The following SPNS3 variants were observed in gnomAD, a reference collection of about 807,000 sequenced individuals.
The protein encoded by SPNS3 is protein spinster homolog 3.
A neutral mutation model predicts 54.4 loss-of-function variants in SPNS3; 51 were observed. That is an observed-to-expected ratio of 0.94 (90% confidence interval 0.75 to 1.18). The LOEUF is 1.18. Ranked by LOEUF, SPNS3 falls within the 50% of genes most tolerant of loss-of-function variation. The probability of loss-of-function intolerance (pLI) is 0.00; values close to 1 mark genes in which losing one functional copy is unlikely to be tolerated. For missense variants in SPNS3, 669 were observed against 677.4 expected, an observed-to-expected ratio of 0.99 and a Z score of 0.14; for synonymous variants, 309 against 294.7, an observed-to-expected ratio of 1.05 and a Z score of -0.50.
At chr17:4,473,752 G>T (rs552016109) in intron 8 of SPNS3, among the ~76,000 whole-genome samples, 2 of 152,256 alleles carry the variant, frequency 1.3e-5, no homozygotes, top group East Asian at 3.9e-4. Flanking sequence ...TGCCCATCTG[G>T]TGTCCACAGG....
At chr17:4,445,001 G>A (rs777996528) in intron 2 of SPNS3, 31 bp from the exon 3 acceptor site, 2 of 1,603,862 alleles carry the variant, frequency 1.2e-6, no homozygotes, top group African/African-American at 1.3e-5. Flanking sequence ...GTCGTGGGGG[G>A]ATCCAGGCTG....
chr17:4,452,980 C>T (rs1302809843), intron 7 of SPNS3, 36 bp from the exon 8 acceptor site: 2 of 1,593,446 alleles, frequency 1.3e-6, no homozygotes, highest in East Asian at 2.2e-5. Context: ...CTAAGCTCAC[C>T]CAGCTGACCA....
intron 7 of SPNS3, among the ~76,000 whole-genome samples, chr17:4,452,200 G>A (rs180744568): frequency 5.2e-4 from 79 of 152,130 alleles, no homozygotes; most frequent in African/African-American, 1.8e-3. Flanking sequence ...GAGCTCAAGC[G>A]ATCCTCCCGC....
chr17:4,439,709 G>T lies in SPNS3; in HGVS notation c.251G>T (p.Gly84Val), dbSNP rs1970800338. ...EVFQISDNHAGLLQTVFVSCL... is the reference protein window; with the variant it reads ...EVFQISDNHAVLLQTVFVSCL... ...TTCCAGATCAGTGACAACCATGCTG[G>T]TTTGCTTCAGACTGGTAAGGAGGAG... Residue 84 changes from glycine to valine, a missense_variant, in exon 2 of 12, where the codon GGT becomes GTT. By Grantham distance (109) the Gly-to-Val change is moderately radical. Transcript: ENST00000355530. 2 of 1,612,694 alleles carry T rather than the reference G, an allele frequency of 1.2e-6. No individual in the cohort carries two copies. Among genetic ancestry groups the T allele is most frequent in the African/African-American group, 2.7e-5 (2 of 74,922 alleles).
At chr17:4,440,671 G>A (rs988294472) in intron 2 of SPNS3, among the ~76,000 whole-genome samples, 11 of 152,188 alleles carry the variant, frequency 7.2e-5, no homozygotes, top group African/African-American at 2.2e-4. Flanking sequence ...ACTCCTCTCC[G>A]CATCCTGGAT....
chr17:4,486,347 T>G lies in SPNS3; in HGVS notation c.1278+21T>G, dbSNP rs1972312908. 4.0e-6 allele frequency: 6 copies of G among 1,488,254 alleles called. No homozygotes were observed. Among genetic ancestry groups the G allele is most frequent in the Non-Finnish European group, 5.6e-6 (6 of 1,078,528 alleles). The allele number at this position is 1,488,254 out of a possible 1,614,324, so 92.2% of individuals were successfully genotyped here. A position where few individuals can be genotyped will look rare whatever the true frequency, so the allele number is the denominator to read the frequency against. Reference sequence around the variant, plus strand: ...GACTTGTAAGACGTGTCTGCGTGTGTGGGGTGGGGAGGGTCTGGGGGCCAG... The same window carrying G: ...GACTTGTAAGACGTGTCTGCGTGTGGGGGGTGGGGAGGGTCTGGGGGCCAG... On this transcript the variant is annotated intron_variant, in intron 10 of 11. Transcript: ENST00000355530. The surrounding 1 kb of genome is among the most constrained non-coding windows in gnomAD (Gnocchi z 5.5).
At chr17:4,465,572 C>A (rs919410550) in intron 8 of SPNS3, among the ~76,000 whole-genome samples, 2 of 152,032 alleles carry the variant, frequency 1.3e-5, no homozygotes, top group Non-Finnish European at 2.9e-5. Flanking sequence ...TACAAAAATA[C>A]AAAAATTAGC....
chr17:4,445,982 C>T (rs530801173), intron 3 of SPNS3, 66 bp from the exon 4 acceptor site: 2 of 1,528,904 alleles, frequency 1.3e-6, no homozygotes, highest in Non-Finnish European at 1.8e-6. Context: ...CTCCGACAAA[C>T]CCTCGGGTCC....
At chr17:4,476,934 C>T (rs534675275) in intron 8 of SPNS3, among the ~76,000 whole-genome samples, 1 of 152,346 alleles carries the variant, frequency 6.6e-6, no homozygotes, top group Admixed American at 6.5e-5. Context: ...CCTCCGCTCC[C>T]GTGGGTCCCC....
Position 4,487,949 on chromosome 17 carries a change from C to A in SPNS3, c.*55C>A. The A allele has an allele frequency of 6.6e-7, 1 of 1,509,478 alleles. No individual in the cohort carries two copies. Among genetic ancestry groups the A allele is most frequent in the Non-Finnish European group, 9.2e-7 (1 of 1,087,258 alleles). The allele number at this position is 1,509,478 out of a possible 1,614,324, so 93.5% of individuals were successfully genotyped here. A position where few individuals can be genotyped will look rare whatever the true frequency, so the allele number is the denominator to read the frequency against. ...AGCCTCCCGTTGGTCCCCACAGCAG[C>A]AGTGCCTCGGTTCCTCTTTGGCTGT... On this transcript the variant is annotated 3_prime_UTR_variant, in exon 12 of 12. Transcript: ENST00000355530.
At chr17:4,466,740 G>C (rs1971686730) in intron 8 of SPNS3, among the ~76,000 whole-genome samples, 1 of 151,984 alleles carries the variant, frequency 6.6e-6, no homozygotes, top group Non-Finnish European at 1.5e-5. Flanking sequence ...AGATACTTGG[G>C]AGGCTGAGGC....
intron 11 of SPNS3, 129 bp from the exon 12 acceptor site, chr17:4,487,677 G>T (rs1038871294): frequency 1.2e-5 from 10 of 816,156 alleles, no homozygotes; most frequent in African/African-American, 8.4e-5. Flanking sequence ...GATGACAAGG[G>T]GTTGGATCTG....
chr17:4,456,796 C>A (rs1971328014), intron 8 of SPNS3, among the ~76,000 whole-genome samples: 1 of 152,030 alleles, frequency 6.6e-6, no homozygotes, highest in Admixed American at 6.6e-5. Context: ...CTCACTGCAA[C>A]CTCTGCCTCC....
At chr17:4,459,641 A>G (rs529280010) in intron 8 of SPNS3, among the ~76,000 whole-genome samples, 45 of 152,252 alleles carry the variant, frequency 3.0e-4, no homozygotes, top group African/African-American at 1.1e-3. Flanking sequence ...TGAACCCAGA[A>G]GGTGGAGGTT....
chr17:4,448,728 G>T (rs954068259), intron 6 of SPNS3, among the ~76,000 whole-genome samples: 5 of 152,228 alleles, frequency 3.3e-5, no homozygotes, highest in South Asian at 2.1e-4. Context: ...CAGCCATGCT[G>T]GGGGAGGCAG....
chr17:4,438,797 C>T (rs62067386), intron 1 of SPNS3, among the ~76,000 whole-genome samples: 8,652 of 152,300 alleles, frequency 0.057, 303 homozygotes, highest in Non-Finnish European at 0.079. Flanking sequence ...AGGGGGCTGC[C>T]GCTCCTCTGA....
At chr17:4,452,038 A>T (rs4790629) in intron 7 of SPNS3, among the ~76,000 whole-genome samples, 142,465 of 151,944 alleles carry the variant, frequency 0.94, 67,778 homozygotes, top group African/African-American at 0.98. Flanking sequence ...AGGGTGAAGA[A>T]GTATATTCAA....
At chr17:4,487,721 C>T in intron 11 of SPNS3, 85 bp from the exon 12 acceptor site, 3 of 1,218,832 alleles carry the variant, frequency 2.5e-6, no homozygotes, top group Non-Finnish European at 3.6e-6. Context: ...GAGAGGATTT[C>T]CTGACAGCCC....
At chr17:4,479,367 C>T (rs1396912423) in intron 9 of SPNS3, among the ~76,000 whole-genome samples, 1 of 152,268 alleles carries the variant, frequency 6.6e-6, no homozygotes, top group Non-Finnish European at 1.5e-5. Flanking sequence ...TGCCAGCCCA[C>T]ACCAGCTCGT....
Sources: gnomAD v4.1 joint callset for allele counts (sites outside exome capture counted in the v4.1 genomes callset) on GRCh38, gnomAD v4.1.1 for gene constraint, Gnocchi (gnomAD v3.1) non-coding constraint, MANE v1.5 for transcripts, NCBI Gene and HGNC (gene_info 2026-07-23, HGNC 2026-07-21) for gene names.